Variants in IDH3B observed in about 807,000 individuals in gnomAD.
The protein encoded by IDH3B is isocitrate dehydrogenase [NAD] subunit beta, mitochondrial.
Under a neutral mutation model 47.5 loss-of-function variants are expected in IDH3B, and 40 were observed. The observed-to-expected ratio is 0.84, with a 90% CI of 0.65 to 1.10. The LOEUF (loss-of-function observed/expected upper bound fraction) is 1.10, where lower values mean the gene tolerates loss of function less well. Ranked by LOEUF, IDH3B falls within the 50% of genes least tolerant of loss-of-function variation. IDH3B has a pLI of 0.00. For missense variants in IDH3B, 450 were observed against 505.2 expected (o/e 0.89, Z 1.05); for synonymous variants, 185 against 191.0 (o/e 0.97, Z 0.26).
At chr20:2,662,486 C>CA (rs1371301232) in intron 4 of IDH3B, among the ~76,000 whole-genome samples, 6 of 151,784 alleles carry the variant, frequency 4.0e-5, no homozygotes, top group Non-Finnish European at 7.4e-5. Flanking sequence ...AACTAGAAGC[C>CA]AAAAAAATCA....
chr20:2,660,979 CAA>C lies in IDH3B; in HGVS notation c.338-12_338-11del. ...GGGGTATGAATCTTTCCTGTGAAAA[CAA>C]AGTGGGAAAAGGAGTGTCAGCCACA... On this transcript the variant is annotated splice_polypyrimidine_tract_variant and intron_variant, in intron 4 of 11. Coordinates refer to ENST00000380843, the MANE Select transcript of IDH3B (RefSeq NM_006899.5). This position sits in a 1 kb window ranked among gnomAD's most constrained non-coding sequence, Gnocchi z 5.6. 6.2e-7 allele frequency: 1 copy of C among 1,613,852 alleles called. No homozygotes were observed.
In IDH3B at chr20:2,660,778, C is replaced by A. The variant is rs771886567; in HGVS notation, c.450G>T (p.Gly150=). The change falls in exon 6 of 12, where the codon GGG becomes GGT. Residue 150 remains glycine (G), a synonymous_variant. Transcript: ENST00000380843. The surrounding 1 kb of genome is among the most constrained non-coding windows in gnomAD (Gnocchi z 5.6). The part of the protein sequence containing the change: ...ANVVHVKSLP[G]YMTRHNNLDL... ...CTAGATTGTTGTGCCGAGTCATATA[C>A]CCAGGAAGTGACTTCACATGGACTA... 4 of 1,614,206 alleles carry A rather than the reference C, an allele frequency of 2.5e-6. No individual in the cohort carries two copies. The African/African-American group carries it at 4.0e-5, about 16-fold the overall frequency.
At chr20:2,663,878 G>C in intron 2 of IDH3B, 47 bp downstream of exon 2, 1 of 1,602,656 alleles carries the variant, frequency 6.2e-7, no homozygotes, top group Non-Finnish European at 8.5e-7. Context: ...GGAGCAGCGA[G>C]GAAGGGACAG....
rs1427264194 is a variant in IDH3B, at chr20:2,658,596, T to C, written c.*155A>G. On this transcript the variant is annotated 3_prime_UTR_variant, in exon 12 of 12. Coordinates refer to ENST00000380843, the MANE Select transcript of IDH3B (RefSeq NM_006899.5). ...CAATCCCCATCACCACCCAACAGTC[T>C]GTCCCCTAAGGAAGCCGGCCCAAGG... The C allele has an allele frequency of 4.3e-6, 7 of 1,612,354 alleles. No homozygotes were observed. In the African/African-American group the frequency reaches 8.0e-5, roughly 18 times the overall value.
rs1466193097 is a variant in IDH3B at position 2,663,752 on chromosome 20, C to T, written c.124G>A (p.Asp42Asn). The T allele has an allele frequency of 1.2e-6, 2 of 1,614,134 alleles. No homozygotes were observed. Among genetic ancestry groups the T allele is most frequent in the Admixed American group, 3.3e-5 (2 of 60,014 alleles). The part of the protein sequence containing the change: ...AHAASRSQAE[D>N]VRVEGSFPVT... ...GGAAAGGAGCCCTCCACCCTCACGT[C>T]CTCGGCCTCAATTGGGGGAAGAGGG... Residue 42 changes from aspartate (D) to asparagine (N), a missense_variant, in exon 3 of 12, where the codon GAC (aspartate) becomes AAC (asparagine). Physicochemically the swap from Asp to Asn is conservative, Grantham distance 23. Transcript: ENST00000380843.
chr20:2,661,033 G>T, intron 4 of IDH3B, 64 bp from the exon 5 acceptor site: 1 of 1,368,262 alleles, frequency 7.3e-7, no homozygotes, highest in South Asian at 1.2e-5. Flanking sequence ...ACTCAGACCA[G>T]TGTCTAACCC....
In IDH3B at chr20:2,660,823, C is replaced by T. The variant is rs751859273; in HGVS notation, c.405G>A (p.Lys135=). 6.2e-7 allele frequency: 1 copy of T among 1,614,224 alleles called. No individual in the cohort carries two copies. The highest frequency in any genetic ancestry group is 8.5e-7 in the Non-Finnish European group (1 of 1,180,046). Residue 135 remains lysine, a synonymous_variant, in exon 6 of 12, where the codon AAG becomes AAA. Coordinates refer to ENST00000380843, the MANE Select transcript of IDH3B (RefSeq NM_006899.5). This position sits in a 1 kb window ranked among gnomAD's most constrained non-coding sequence, Gnocchi z 5.6. The part of the protein sequence containing the change: ...LASYDMRLRR[K]LDLFANVVHV... The stretch of plus-strand genomic sequence containing the variant: ...GGACTACGTTGGCAAATAAGTCCAA[C>T]TTACGCCTGAGGGTGGGCAGGGCCA...
At position 2,659,584 on chromosome 20, in the gene IDH3B, G is replaced by A. The variant is rs1266222846; in HGVS notation, c.1012C>T (p.Leu338Phe). ...SASNMLRHLNLEYHSSMIADA... is the reference protein window; with the variant it reads ...SASNMLRHLNFEYHSSMIADA... ...GCGATCATGCTGGAGTGATACTCAA[G>A]ACTGTGGATATGGACAGGAAGAAAC... Residue 338 changes from leucine (L) to phenylalanine (F), a missense_variant and splice_region_variant, in exon 11 of 12, where the codon CTT becomes TTT. Transcript: ENST00000380843. 1 of 1,614,174 alleles carries A rather than the reference G, an allele frequency of 6.2e-7. No homozygotes were observed. The highest frequency in any genetic ancestry group is 2.2e-5 in the East Asian group (1 of 44,888).
At chr20:2,659,420 G>A (rs2086893571) in intron 11 of IDH3B, 105 bp downstream of exon 11, 1 of 1,517,844 alleles carries the variant, frequency 6.6e-7, no homozygotes, top group East Asian at 2.3e-5. Context: ...CTGGGGACCT[G>A]GGGGGAAAGG....
At chr20:2,662,609 A>C (rs1261540470) in intron 4 of IDH3B, among the ~76,000 whole-genome samples, 1 of 152,200 alleles carries the variant, frequency 6.6e-6, no homozygotes, top group East Asian at 1.9e-4. Flanking sequence ...ACTTGAGGTC[A>C]AGAGTTCGAG....
At chr20:2,661,872 A>AC (rs1422836254) in intron 4 of IDH3B, among the ~76,000 whole-genome samples, 2 of 152,232 alleles carry the variant, frequency 1.3e-5, no homozygotes, top group African/African-American at 4.8e-5. Flanking sequence ...TATGTATGTG[A>AC]CCTTATTTGG....
At chr20:2,659,650 G>C (rs770745741) in intron 10 of IDH3B, 49 bp downstream of exon 10, 16 of 1,606,320 alleles carry the variant, frequency 1.0e-5, no homozygotes, top group East Asian at 4.5e-5. Flanking sequence ...TTCCCCACCT[G>C]CTCCTCCTCA....
In IDH3B at chr20:2,660,198, T is replaced by C; in HGVS notation, c.769-22A>G. On this transcript the variant is annotated intron_variant, in intron 8 of 11. Coordinates refer to ENST00000380843, the MANE Select transcript of IDH3B (RefSeq NM_006899.5). The surrounding 1 kb of genome is among the most constrained non-coding windows in gnomAD (Gnocchi z 5.6). ...CCAGCTAGAGGGTGAGATGCAGGCA[T>C]GAAGTAAATTCCACTCCCCACCCTC... The C allele has an allele frequency of 1.2e-6, 2 of 1,614,148 alleles. No individual in the cohort carries two copies. The highest frequency in any genetic ancestry group is 2.2e-5 in the South Asian group (2 of 91,076).
At chr20:2,659,316 A>T in intron 11 of IDH3B, 1 of 1,523,152 alleles carries the variant, frequency 6.6e-7, no homozygotes. Context: ...ATGGGATCTA[A>T]GAGGCAAAAG....
At position 2,658,685 on chromosome 20, in the gene IDH3B, C is replaced by G. The variant is rs2146303073; in HGVS notation, c.*66G>C. The G allele has an allele frequency of 6.2e-7, 1 of 1,614,120 alleles. No homozygotes were observed. The highest frequency in any genetic ancestry group is 8.5e-7 in the Non-Finnish European group (1 of 1,179,992). The stretch of plus-strand genomic sequence containing the variant: ...CTGCTTAGAGGCACAAGGTCTCTTC[C>G]CTGGTACACTGCACTGAAGGGTATG... On this transcript the variant is annotated 3_prime_UTR_variant, in exon 12 of 12. Transcript: ENST00000380843.
chr20:2,659,338 A>G lies in IDH3B; in HGVS notation c.1071+187T>C, dbSNP rs2086891374. ...CTAAGAGGCAAAAGAGATCAAGAGG[A>G]TGAAACAGCCAAGAGAAGGGAGATG... is the stretch of plus-strand genomic sequence containing the variant. On this transcript the variant is annotated intron_variant, in intron 11 of 11. Coordinates refer to ENST00000380843, the MANE Select transcript of IDH3B (RefSeq NM_006899.5). 1.0e-5 allele frequency: 16 copies of G among 1,562,954 alleles called. No homozygotes were observed. The Admixed American group carries it at 2.5e-4, about 25-fold the overall frequency.
rs748780705 is a variant in IDH3B at position 2,659,512 on chromosome 20, C to A, written c.1071+13G>T. On this transcript the variant is annotated intron_variant, in intron 11 of 11. Transcript: ENST00000380843. The stretch of plus-strand genomic sequence containing the variant: ...TCTAAATCCTGAAGCCAGCACTACT[C>A]TTCTCAACTCACCTTGCCAACTTTG... 4.3e-6 allele frequency: 7 copies of A among 1,613,748 alleles called. No homozygotes were observed. In the African/African-American group the frequency reaches 6.7e-5, roughly 15 times the overall value.
Position 2,660,246 on chromosome 20 carries a change from ATG to A in IDH3B, c.768+15_768+16del. ...CTCCTCCTCCGCCCCATGAGTAGAG[ATG>A]TGGGGAGGCCTCACCTGCATGCAGC... is the stretch of plus-strand genomic sequence containing the variant. On this transcript the variant is annotated intron_variant, in intron 8 of 11. Transcript: ENST00000380843. The surrounding 1 kb of genome is among the most constrained non-coding windows in gnomAD (Gnocchi z 5.6). 1 of 1,613,496 alleles carries A rather than the reference ATG, an allele frequency of 6.2e-7. No homozygotes were observed. The highest frequency in any genetic ancestry group is 2.2e-5 in the East Asian group (1 of 44,876).
At chr20:2,664,096 T>G in intron 1 of IDH3B, 57 bp downstream of exon 1, 1 of 1,607,888 alleles carries the variant, frequency 6.2e-7, no homozygotes, top group East Asian at 2.2e-5. Flanking sequence ...TAGGAAACCC[T>G]AGGACAAACT....
Sources: allele counts gnomAD v4.1 joint callset (sites outside exome capture counted in the v4.1 genomes callset), GRCh38; gene constraint gnomAD v4.1.1; non-coding constraint Gnocchi (gnomAD v3.1); transcripts MANE v1.5; gene names NCBI Gene and HGNC (gene_info 2026-07-23, HGNC 2026-07-21).